Variants in SEMA6D observed in about 807,000 individuals in gnomAD.
The protein encoded by SEMA6D is semaphorin-6D.
Under a neutral mutation model 106.6 loss-of-function variants are expected in SEMA6D, and 35 were observed. That is an observed-to-expected ratio of 0.33 (90% CI 0.25 to 0.44). The LOEUF (loss-of-function observed/expected upper bound fraction) is 0.44. SEMA6D is among the 20% of genes least tolerant of loss of function. The pLI is 1.00. For missense variants in SEMA6D, 1,185 were observed against 1,345.9 expected (o/e 0.88, Z 1.87); for synonymous variants, 499 against 487.7 (o/e 1.02, Z -0.31).
chr15:47,233,211 A>G (rs2032323889), intron 1 of SEMA6D, among the ~76,000 whole-genome samples: 1 of 151,998 alleles, frequency 6.6e-6, no homozygotes, highest in Non-Finnish European at 1.5e-5. Flanking sequence ...TTCTTTCTCA[A>G]TTAAGTGGTC....
rs531671412 is a variant in SEMA6D at position 47,510,441 on chromosome 15, C to T, written c.-87+39896C>T. 3.3e-5 allele frequency among the ~76,000 whole-genome samples: 5 copies of T among 152,260 alleles called. No individual in the cohort carries two copies. The South Asian group carries it at 1.0e-3, about 32-fold the overall frequency. On this transcript the variant is annotated intron_variant, in intron 3 of 19. Coordinates refer to the SEMA6D transcript ENST00000558014. The stretch of plus-strand genomic sequence containing the variant: ...GTAATCTACTGTTGTCTCTCCCAAC[C>T]TGGCCCATAGTAGACTCTCAAAAGT...
intron 1 of SEMA6D, among the ~76,000 whole-genome samples, chr15:47,722,567 T>A (rs2079487541): frequency 6.6e-6 from 1 of 152,220 alleles, no homozygotes; most frequent in African/African-American, 2.4e-5. Flanking sequence ...CTGTAGGTTA[T>A]GTTGCCAGGC....
intron 4 of SEMA6D, among the ~76,000 whole-genome samples, chr15:47,652,684 C>T (rs2077715780): frequency 6.6e-6 from 1 of 152,192 alleles, no homozygotes; most frequent in South Asian, 2.1e-4. Context: ...ACAGATTTTA[C>T]ATGTGGCTTG....
At chr15:47,241,093 GA>G (rs1473973811) in intron 1 of SEMA6D, 1 of 152,144 alleles carries the variant, frequency 6.6e-6, no homozygotes, top group African/African-American at 2.4e-5. Flanking sequence ...GCTGAGATTA[GA>G]ATGCAAATGG....
intron 4 of SEMA6D, chr15:47,606,245 G>A (rs1433489346): frequency 6.6e-6 from 1 of 152,198 alleles, no homozygotes; most frequent in South Asian, 2.1e-4. Context: ...CCCCCTTGGA[G>A]ACCAGTCCTT....
chr15:47,626,123 T>G (rs1268462246), intron 4 of SEMA6D, among the ~76,000 whole-genome samples: 1 of 152,108 alleles, frequency 6.6e-6, no homozygotes, highest in Non-Finnish European at 1.5e-5. Context: ...ACTTCTTTGG[T>G]CAGGAATGAC....
chr15:47,356,569 GAA>G lies in SEMA6D; in HGVS notation c.-238-55811_-238-55810del, dbSNP rs5812382. On this transcript the variant is annotated intron_variant, in intron 1 of 19. Coordinates refer to the SEMA6D transcript ENST00000558014. ...CCTATATAAATAGAGAAGAGAGAGC[GAA>G]AAAAAAAAAAAATCCTTACAAAGGT... Among the ~76,000 whole-genome samples the G allele has an allele frequency of 2.9e-3, 421 of 144,364 alleles. 2 individuals are homozygous for G. The highest frequency in any genetic ancestry group is 3.9e-3 in the Non-Finnish European group (255 of 66,170). The allele number at this position is 144,364 out of a possible 152,430, so 94.7% of individuals were successfully genotyped here.
intron 3 of SEMA6D, among the ~76,000 whole-genome samples, chr15:47,535,724 A>G (rs917833554): frequency 3.3e-5 from 5 of 152,152 alleles, no homozygotes; most frequent in Middle Eastern, 3.4e-3. Context: ...GGGAGTTTTC[A>G]AAAGTTAGTA....
intron 1 of SEMA6D, among the ~76,000 whole-genome samples, chr15:47,227,604 T>C (rs190577352): frequency 0.013 from 1,739 of 133,980 alleles, 51 homozygotes; most frequent in Admixed American, 0.014. Context: ...CACAAACACA[T>C]GCATGCATAC....
chr15:47,485,429 AT>A (rs1371452646), intron 3 of SEMA6D, among the ~76,000 whole-genome samples: 1 of 152,116 alleles, frequency 6.6e-6, no homozygotes, highest in Admixed American at 6.6e-5. Flanking sequence ...ACCCACCCCC[AT>A]TCAAAAAAAA....
At chr15:47,674,380 T>A (rs2078200057) in intron 4 of SEMA6D, among the ~76,000 whole-genome samples, 1 of 152,214 alleles carries the variant, frequency 6.6e-6, no homozygotes, top group Non-Finnish European at 1.5e-5. Context: ...TCATCAGAAG[T>A]CACTGGGGCC....
At chr15:47,214,090 A>C (rs1566929848) in intron 1 of SEMA6D, among the ~76,000 whole-genome samples, 1 of 152,154 alleles carries the variant, frequency 6.6e-6, no homozygotes, top group Admixed American at 6.5e-5. Context: ...AAAACTGTTA[A>C]AAGCACCATG....
rs150294422 is a variant in SEMA6D, at chr15:47,419,880, C to A, written c.-159+7408C>A. Among the ~76,000 whole-genome samples, 749 of 152,144 alleles carry A rather than the reference C, an allele frequency of 4.9e-3. 6 individuals are homozygous for A. Among genetic ancestry groups the A allele is most frequent in the African/African-American group, 0.017 (717 of 41,520 alleles). Reference sequence around the variant, plus strand: ...TAGAGAAGAGGAGATAAAAGATGACCTGGAAGTGCTGGGCTGATGTGGTGA... The same window carrying A: ...TAGAGAAGAGGAGATAAAAGATGACATGGAAGTGCTGGGCTGATGTGGTGA... On this transcript the variant is annotated intron_variant, in intron 2 of 19. Coordinates refer to the SEMA6D transcript ENST00000558014.
chr15:47,727,869 G>A (rs1378916954), intron 1 of SEMA6D, among the ~76,000 whole-genome samples: 4 of 152,174 alleles, frequency 2.6e-5, no homozygotes, highest in East Asian at 1.9e-4. Context: ...TGCCTGCTGC[G>A]GTCAGGATGG....
At chr15:47,553,309 G>A (rs1437147540) in intron 3 of SEMA6D, among the ~76,000 whole-genome samples, 2 of 152,010 alleles carry the variant, frequency 1.3e-5, no homozygotes, top group African/African-American at 4.8e-5. Flanking sequence ...GAGCTCTAAA[G>A]AACATAAATG....
intron 1 of SEMA6D, among the ~76,000 whole-genome samples, chr15:47,310,261 A>T (rs1023707634): frequency 6.6e-6 from 1 of 152,206 alleles, no homozygotes; most frequent in Non-Finnish European, 1.5e-5. Context: ...TTTAGAAACC[A>T]TATGCCCCAT....
chr15:47,555,435 C>T (rs1445700339), intron 3 of SEMA6D, among the ~76,000 whole-genome samples: 2 of 152,182 alleles, frequency 1.3e-5, no homozygotes, highest in East Asian at 3.8e-4. Flanking sequence ...AACACTACCC[C>T]TTGCATACAA....
intron 9 of SEMA6D, 147 bp from the exon 10 acceptor site, chr15:47,763,703 G>A: frequency 2.7e-6 from 2 of 738,532 alleles, no homozygotes; most frequent in South Asian, 1.7e-5. Flanking sequence ...CCTTCTTACT[G>A]AACAGATCCC....
chr15:47,545,197 G>C (rs1411914389), intron 3 of SEMA6D, among the ~76,000 whole-genome samples: 3 of 152,102 alleles, frequency 2.0e-5, no homozygotes, highest in African/African-American at 7.2e-5. Context: ...GGGACCCAGG[G>C]TGAACATCAA....
Sources: gnomAD v4.1 joint callset for allele counts (sites outside exome capture counted in the v4.1 genomes callset) on GRCh38, gnomAD v4.1.1 for gene constraint, MANE v1.5 for transcripts, NCBI Gene and HGNC (gene_info 2026-07-23, HGNC 2026-07-21) for gene names.